The following MYH3 variants were observed in gnomAD, a reference collection of about 807,000 sequenced individuals.
MYH3 encodes myosin-3.
In MYH3, 130 loss-of-function variants were observed where a neutral mutation model predicts 238.0. The ratio of observed to expected loss-of-function variants is 0.55; its 90% confidence interval spans 0.47 to 0.63. The LOEUF is 0.63. Ranked by LOEUF, MYH3 falls within the 30% of genes least tolerant of loss-of-function variation. The pLI is 0.00. For missense variants in MYH3, 1,853 were observed against 2,374.9 expected (o/e 0.78, Z 4.57); for synonymous variants, 880 against 924.1 (o/e 0.95, Z 0.86).
intron 34 of MYH3, 27 bp downstream of exon 34, chr17:10,632,449 G>T (rs1323023335): frequency 6.2e-7 from 1 of 1,608,052 alleles, no homozygotes; most frequent in East Asian, 2.2e-5. Flanking sequence ...GAGGAGAGAG[G>T]TTTTTCCCCG....
chr17:10,637,540 T>A (rs1028545379), intron 28 of MYH3, among the ~76,000 whole-genome samples: 31 of 152,208 alleles, frequency 2.0e-4, no homozygotes, highest in Admixed American at 1.6e-3. Flanking sequence ...TATATTAATT[T>A]TGAAAGAGTT....
chr17:10,678,252 GAACA>G, the MYH3 span: 5 of 152,226 alleles, frequency 3.3e-5, no homozygotes, highest in African/African-American at 9.6e-5. Context: ...GATAGCAGCA[GAACA>G]AACAGGAACC....
intron 19 of MYH3, 125 bp downstream of exon 19, chr17:10,640,960 C>G (rs1343903634): frequency 9.8e-6 from 9 of 922,276 alleles, no homozygotes; most frequent in Non-Finnish European, 9.0e-6. Context: ...GTAGATTGTT[C>G]AGTTTACATG....
chr17:10,665,442 C>T, the MYH3 span, among the ~76,000 whole-genome samples: 1 of 152,160 alleles, frequency 6.6e-6, no homozygotes, highest in African/African-American at 2.4e-5. Context: ...CGAACCCAGA[C>T]TATAACCTTT....
chr17:10,640,968 A>G (rs747219679), intron 19 of MYH3, 117 bp downstream of exon 19: 3 of 941,028 alleles, frequency 3.2e-6, no homozygotes, highest in Middle Eastern at 3.2e-4. Context: ...TTCAGTTTAC[A>G]TGGAGGTCCA....
chr17:10,662,741 C>G, the MYH3 span, among the ~76,000 whole-genome samples: 3 of 152,098 alleles, frequency 2.0e-5, no homozygotes, highest in Non-Finnish European at 4.4e-5. Flanking sequence ...TCTTTAGTTT[C>G]TTTTAGTCTT....
In MYH3 at chr17:10,645,845, T is replaced by C; in HGVS notation, c.1003A>G (p.Ser335Gly). Residue 335 changes from serine (S) to glycine (G), a missense_variant and splice_region_variant, in exon 12 of 41, where the codon AGC becomes GGC. By Grantham distance (56) the Ser-to-Gly change is moderately conservative (BLOSUM62 0). This residue lies in a region of MYH3 where 678 missense variants were observed against 1,058.9 expected (regional missense o/e 0.64). Coordinates refer to ENST00000583535, the MANE Select transcript of MYH3 (RefSeq NM_002470.4). ...DDAEELLATD[S>G]AIDILGFTPE... is the part of the protein sequence containing the mutation. ...GTGAAGCCCAGGATGTCAATGGCGC[T>C]CTGGCATGGAAAGGGCAGCACGTCA... The C allele has an allele frequency of 6.2e-7, 1 of 1,613,874 alleles. No individual in the cohort carries two copies. The highest frequency in any genetic ancestry group is 2.2e-5 in the East Asian group (1 of 44,794).
chr17:10,668,017 T>C, the MYH3 span, among the ~76,000 whole-genome samples: 1 of 152,224 alleles, frequency 6.6e-6, no homozygotes, highest in East Asian at 1.9e-4. Flanking sequence ...ACTGATAACA[T>C]AACTACACTT....
chr17:10,650,875 G>A (rs994980417), intron 5 of MYH3, among the ~76,000 whole-genome samples: 2 of 152,132 alleles, frequency 1.3e-5, no homozygotes, highest in African/African-American at 4.8e-5. Flanking sequence ...GACTCAGAGA[G>A]GGCAAGTCTC....
intron 36 of MYH3, among the ~76,000 whole-genome samples, 168 bp from the exon 37 acceptor site, chr17:10,630,626 G>A (rs931631158): frequency 3.3e-5 from 5 of 152,178 alleles, no homozygotes; most frequent in Admixed American, 6.5e-5. Flanking sequence ...AAGGCGGGTG[G>A]ATCACCTGAG....
chr17:10,629,511 T>C, intron 40 of MYH3, 86 bp downstream of exon 40: 1 of 1,569,162 alleles, frequency 6.4e-7, no homozygotes, highest in Non-Finnish European at 8.7e-7. Flanking sequence ...TCCCCAGCTC[T>C]AAAGTAAAGG....
Position 10,632,704 on chromosome 17 carries a change from C to G in MYH3, c.4728G>C (p.Lys1576Asn), listed in dbSNP as rs751308437. Residue 1576 changes from lysine (K) to asparagine (N), a missense_variant, in exon 34 of 41, where the codon AAG becomes AAC. Coordinates refer to ENST00000583535, the MANE Select transcript of MYH3 (RefSeq NM_002470.4). ...CGATCTCTTCATCCTTCTCGGCGATCTTTCTATCAATTTCTGATTTCACTT... is the reference window on the plus strand; with the variant it reads ...CGATCTCTTCATCCTTCTCGGCGATGTTTCTATCAATTTCTGATTTCACTT... ...LTQVKSEIDR[K>N]IAEKDEEIEQ... The G allele has an allele frequency of 1.2e-6, 2 of 1,614,198 alleles. No homozygotes were observed. Among genetic ancestry groups the G allele is most frequent in the Non-Finnish European group, 8.5e-7 (1 of 1,180,026 alleles).
intron 14 of MYH3, 152 bp from the exon 15 acceptor site, chr17:10,643,148 C>T: frequency 7.0e-7 from 1 of 1,433,838 alleles, no homozygotes; most frequent in Non-Finnish European, 9.5e-7. Context: ...CAGACCGCAT[C>T]TCCTCCTTGG....
At position 10,630,342 on chromosome 17, in the gene MYH3, G is replaced by C. The variant is rs377129468; in HGVS notation, c.5403C>G (p.Ala1801=). The change falls in exon 37 of 41, where the codon GCC becomes GCG. Residue 1801 remains alanine, a synonymous_variant. Coordinates refer to ENST00000583535, the MANE Select transcript of MYH3 (RefSeq NM_002470.4). ...VKDLQHRLDE[A]EQLALKGGKK... ...TCCCGCCCTTCAGCGCCAGCTGCTC[G>C]GCCTCATCTAGACGATGCTGCAGGT... The C allele has an allele frequency of 6.2e-7, 1 of 1,614,086 alleles. No homozygotes were observed. The highest frequency in any genetic ancestry group is 1.3e-5 in the African/African-American group (1 of 75,004).
At chr17:10,643,123 C>T in intron 14 of MYH3, 127 bp from the exon 15 acceptor site, 1 of 1,526,336 alleles carries the variant, frequency 6.6e-7, no homozygotes, top group East Asian at 2.4e-5. Flanking sequence ...CAATCACAAT[C>T]TTCAAGGCCT....
At chr17:10,674,813 G>C in the MYH3 span, 3 of 152,324 alleles carry the variant, frequency 2.0e-5, no homozygotes, top group African/African-American at 7.2e-5. Context: ...CATCATCCTT[G>C]AATGGAAAAA....
rs1402555450 is a variant in MYH3, at chr17:10,651,739, TTATTATTG to T, written c.349-79_349-72del. The T allele has an allele frequency of 4.4e-4, 660 of 1,495,198 alleles. 3 individuals carry two copies. The African/African-American group carries it at 8.4e-3, about 19-fold the overall frequency. The allele number at this position is 1,495,198 out of a possible 1,614,324, so 92.6% of individuals were successfully genotyped here. A position where few individuals can be genotyped will look rare whatever the true frequency, so the allele number is the denominator to read the frequency against. On this transcript the variant is annotated intron_variant, in intron 4 of 40. Coordinates refer to ENST00000583535, the MANE Select transcript of MYH3 (RefSeq NM_002470.4). ...TATGGAAAACCCCTTGCCTTTATTA[TTATTATTG>T]TTTTTTTTTTTTTTTGAGACGGAGT...
rs746562608 is a variant in MYH3, at chr17:10,634,993, G to A, written c.4203C>T (p.Ser1401=). The A allele has an allele frequency of 6.0e-5, 97 of 1,614,030 alleles. No homozygotes were observed. The highest frequency in any genetic ancestry group is 7.1e-5 in the Non-Finnish European group (84 of 1,180,026). ...CATTCACTGCCTCAACCTGTTCCTC[G>A]GAATCTTGAAGGCGCTGAGCAAGTT... ...KKKLAQRLQD[S]EEQVEAVNAK... Residue 1401 remains serine, a synonymous_variant, in exon 31 of 41, where the codon TCC becomes TCT. Coordinates refer to ENST00000583535, the MANE Select transcript of MYH3 (RefSeq NM_002470.4).
chr17:10,665,004 T>C, the MYH3 span, among the ~76,000 whole-genome samples: 1 of 152,098 alleles, frequency 6.6e-6, no homozygotes, highest in South Asian at 2.1e-4. Flanking sequence ...CAAAGATCAC[T>C]GTGAGGTTAC....
Sources: gnomAD v4.1 joint callset for allele counts (sites outside exome capture counted in the v4.1 genomes callset) on GRCh38, gnomAD v4.1.1 for gene constraint, gnomAD v4.1.1 regional missense constraint, MANE v1.5 for transcripts, NCBI Gene and HGNC (gene_info 2026-07-23, HGNC 2026-07-21) for gene names.